ITGA3: variants seen among roughly 807,000 people sequenced by gnomAD.
ITGA3 encodes integrin alpha-3.
A neutral mutation model predicts 131.1 loss-of-function variants in ITGA3; 70 were observed. That is an observed-to-expected ratio of 0.53 (90% CI 0.44 to 0.65). The LOEUF is 0.65. ITGA3 is among the 30% of genes least tolerant of loss of function. The pLI is 0.00. For missense variants in ITGA3, 1,098 were observed against 1,388.6 expected (o/e 0.79, Z 3.33); for synonymous variants, 537 against 571.6 (o/e 0.94, Z 0.86).
At chr17:50,057,789 G>A (rs902767418) in intron 1 of ITGA3, among the ~76,000 whole-genome samples, 11 of 152,204 alleles carry the variant, frequency 7.2e-5, no homozygotes, top group Non-Finnish European at 1.5e-5. Context: ...GCTGGGGCCT[G>A]CAGAGCTTGA....
In ITGA3 at chr17:50,075,720, G is replaced by A; in HGVS notation, c.1659G>A (p.Leu553=). ...FSMPEMRCQK[L]ELLLMDNLRD... is the part of the protein sequence containing the mutation. ...TGCCCGAGATGCGCTGCCAGAAGCT[G>A]GAGCTGCTCCTGATGGTGAGGGAGG... Residue 553 remains leucine (L), a synonymous_variant, in exon 12 of 26, where the codon CTG becomes CTA. Coordinates refer to ENST00000320031, the MANE Select transcript of ITGA3 (RefSeq NM_002204.4). 3.1e-6 allele frequency: 5 copies of A among 1,614,086 alleles called. No homozygotes were observed. The highest frequency in any genetic ancestry group is 4.2e-6 in the Non-Finnish European group (5 of 1,179,954).
In ITGA3 at chr17:50,078,076, G is replaced by C. The variant is rs369544594; in HGVS notation, c.2170G>C (p.Gly724Arg). 6.2e-7 allele frequency: 1 copy of C among 1,613,350 alleles called. No individual in the cohort carries two copies. Among genetic ancestry groups the C allele is most frequent in the East Asian group, 2.2e-5 (1 of 44,852 alleles). The stretch of plus-strand genomic sequence containing the variant: ...GCTGCTCATCGCCTTTGAGGTCATC[G>C]GGGTGACCCTGCACACAAGGGACCT... The part of the protein sequence containing the change: ...MELLIAFEVI[G>R]VTLHTRDLQV... Residue 724 changes from glycine to arginine, a missense_variant, in exon 17 of 26, where the codon GGG (glycine) becomes CGG (arginine). Gly to Arg is a moderately radical substitution (Grantham distance 125). Transcript: ENST00000320031.
chr17:50,089,045 G>A, intron 25 of ITGA3, 65 bp from the exon 26 acceptor site: 4 of 1,306,746 alleles, frequency 3.1e-6, no homozygotes, highest in Non-Finnish European at 4.4e-6. Flanking sequence ...GAGAGGCCTG[G>A]CACTCCTTCC....
chr17:50,072,192 A>T lies in ITGA3; in HGVS notation c.1156+10A>T. On this transcript the variant is annotated intron_variant, in intron 7 of 25. Coordinates refer to ENST00000320031, the MANE Select transcript of ITGA3 (RefSeq NM_002204.4). Reference sequence around the variant, plus strand: ...CAGGATGGATTTCAGGGTATGAGCCAGCACTCCTCCCCCAGCACCCCTCCT... The same window carrying T: ...CAGGATGGATTTCAGGGTATGAGCCTGCACTCCTCCCCCAGCACCCCTCCT... The T allele has an allele frequency of 6.2e-7, 1 of 1,608,430 alleles. No homozygotes were observed. Among genetic ancestry groups the T allele is most frequent in the Non-Finnish European group, 8.5e-7 (1 of 1,176,790 alleles).
intron 1 of ITGA3, among the ~76,000 whole-genome samples, chr17:50,060,684 G>T (rs1411848722): frequency 6.6e-6 from 1 of 152,036 alleles, no homozygotes. Flanking sequence ...GCTCCCCCCA[G>T]TCCAGCCTGA....
Position 50,089,608 on chromosome 17 carries a change from A to C in ITGA3, c.*530A>C. 1 of 244,870 alleles carries C rather than the reference A, an allele frequency of 4.1e-6. No homozygotes were observed. Among genetic ancestry groups the C allele is most frequent in the Non-Finnish European group, 8.1e-6 (1 of 123,824 alleles). The allele number at this position is 244,870 out of a possible 1,614,324, so 15.2% of individuals were successfully genotyped here. On this transcript the variant is annotated 3_prime_UTR_variant, in exon 26 of 26. Transcript: ENST00000320031. ...GCCAAAACAAGCCAAAGAGCCTCCC[A>C]CCAGAGCCGGGAGGAAAAGGCCCCT...
intron 4 of ITGA3, among the ~76,000 whole-genome samples, chr17:50,069,827 G>C (rs577226948): frequency 5.9e-5 from 9 of 152,170 alleles, no homozygotes; most frequent in Non-Finnish European, 8.8e-5. Context: ...GGTCTCACAG[G>C]GGGTGTCTGA....
chr17:50,070,976 G>A (rs1908599328), intron 5 of ITGA3, 46 bp downstream of exon 5: 1 of 1,222,664 alleles, frequency 8.2e-7, no homozygotes, highest in Non-Finnish European at 1.2e-6. Flanking sequence ...GGGGAAGGGG[G>A]CTTAGTCCCT....
intron 22 of ITGA3, 32 bp downstream of exon 22, chr17:50,080,407 C>T: frequency 1.5e-6 from 2 of 1,372,968 alleles, no homozygotes; most frequent in Non-Finnish European, 2.1e-6. Flanking sequence ...TCTCTCCTAC[C>T]ATCCACCCTG....
At chr17:50,065,541 T>C (rs1019612657) in intron 3 of ITGA3, 9 of 152,224 alleles carry the variant, frequency 5.9e-5, no homozygotes, top group African/African-American at 2.2e-4. Flanking sequence ...AGTCTTAGAA[T>C]GTGTTGCTTT....
At chr17:50,076,235 C>T (rs1289592423) in intron 12 of ITGA3, 91 bp from the exon 13 acceptor site, 5 of 1,458,378 alleles carry the variant, frequency 3.4e-6, no homozygotes, top group Non-Finnish European at 4.6e-6. Flanking sequence ...GGGGGCGGGT[C>T]CAGCTCTTCT....
chr17:50,087,893 C>T (rs1567707029), intron 24 of ITGA3, 24 bp downstream of exon 24: 2 of 1,535,724 alleles, frequency 1.3e-6, no homozygotes, highest in Non-Finnish European at 1.8e-6. Context: ...CCCACTCCTG[C>T]TCCGGGACCT....
chr17:50,086,422 C>T (rs1909431923), intron 23 of ITGA3: 1 of 151,216 alleles, frequency 6.6e-6, no homozygotes, highest in Non-Finnish European at 1.5e-5. Context: ...GGCACAGTGG[C>T]TCACACCTGT....
In ITGA3 at chr17:50,090,277, C is replaced by T. The variant is rs549772790; in HGVS notation, c.*1199C>T. The T allele has an allele frequency of 5.3e-5, 24 of 456,386 alleles. No homozygotes were observed. Among genetic ancestry groups the T allele is most frequent in the Non-Finnish European group, 8.4e-5 (19 of 226,906 alleles). 28.3% of individuals were successfully genotyped at this position (456,386 alleles called of 1,614,324 possible). On this transcript the variant is annotated 3_prime_UTR_variant, in exon 26 of 26. Coordinates refer to ENST00000320031, the MANE Select transcript of ITGA3 (RefSeq NM_002204.4). ...TTCAGAGCCAGCCTGGCTCTGCCCC[C>T]TCCCCCATGGGCTGTGTCCTAAGGC...
Position 50,056,216 on chromosome 17 carries a change from G to C in ITGA3, c.-224G>C, listed in dbSNP as rs1488212127. The C allele has an allele frequency of 2.5e-5, 11 of 437,272 alleles. No individual in the cohort carries two copies. The highest frequency in any genetic ancestry group is 4.5e-5 in the Admixed American group (1 of 22,298). The allele number at this position is 437,272 out of a possible 1,614,324, so 27.1% of individuals were successfully genotyped here. A position where few individuals can be genotyped will look rare whatever the true frequency, so the allele number is the denominator to read the frequency against. On this transcript the variant is annotated 5_prime_UTR_variant, in exon 1 of 26. Transcript: ENST00000320031. This position sits in a 1 kb window ranked among gnomAD's most constrained non-coding sequence, Gnocchi z 5.6. ...GGGCAGGGACGGCGGCGACCCGGCCGCTGGGGAGGCAGGAAGATAGACCCA... is the reference window on the plus strand; with the variant it reads ...GGGCAGGGACGGCGGCGACCCGGCCCCTGGGGAGGCAGGAAGATAGACCCA...
intron 22 of ITGA3, 65 bp downstream of exon 22, chr17:50,080,440 G>A (rs565448933): frequency 4.6e-6 from 4 of 874,026 alleles, no homozygotes; most frequent in Admixed American, 4.0e-5. Flanking sequence ...ACAGGGAGAG[G>A]GCGAGTCCAG....
At chr17:50,063,003 T>A (rs1339176669) in intron 1 of ITGA3, among the ~76,000 whole-genome samples, 2 of 152,234 alleles carry the variant, frequency 1.3e-5, no homozygotes, top group African/African-American at 2.4e-5. Flanking sequence ...TTCCACCAGA[T>A]GGTGTGTTGT....
chr17:50,087,703 G>A lies in ITGA3; in HGVS notation c.2920-41G>A, dbSNP rs374957267. 57 of 1,589,360 alleles carry A rather than the reference G, an allele frequency of 3.6e-5. No individual in the cohort carries two copies. In the African/African-American group the frequency reaches 5.2e-4, roughly 15 times the overall value. On this transcript the variant is annotated intron_variant, in intron 23 of 25. Coordinates refer to ENST00000320031, the MANE Select transcript of ITGA3 (RefSeq NM_002204.4). ...ATAGGAAGGGTGAGGATGGGCCTAA[G>A]CAGGCTGACACAGGGCTGAGTCCTC...
Position 50,071,536 on chromosome 17 carries a change from T to A in ITGA3, c.959+18T>A, listed in dbSNP as rs1323228823. 2 of 1,590,232 alleles carry A rather than the reference T, an allele frequency of 1.3e-6. No individual in the cohort carries two copies. The highest frequency in any genetic ancestry group is 2.2e-5 in the South Asian group (2 of 89,698). On this transcript the variant is annotated intron_variant, in intron 6 of 25. Transcript: ENST00000320031. ...AATGATGGGTGAGAATCTAGGGACATCCTCTGGGGCCAGGGAGAGCGATGG... is the reference window on the plus strand; with the variant it reads ...AATGATGGGTGAGAATCTAGGGACAACCTCTGGGGCCAGGGAGAGCGATGG...
Sources: gnomAD v4.1 joint callset for allele counts (sites outside exome capture counted in the v4.1 genomes callset) on GRCh38, gnomAD v4.1.1 for gene constraint, Gnocchi (gnomAD v3.1) non-coding constraint, MANE v1.5 for transcripts, NCBI Gene and HGNC (gene_info 2026-07-23, HGNC 2026-07-21) for gene names.